Variants in SUGCT observed in about 807,000 individuals in gnomAD.
The protein encoded by SUGCT is succinyl-CoA:glutarate-CoA transferase, also known as succinyl-CoA:glutarate CoA-transferase.
A neutral mutation model predicts 55.0 loss-of-function variants in SUGCT; 41 were observed. The ratio of observed to expected loss-of-function variants is 0.74; its 90% CI spans 0.58 to 0.97. The LOEUF (loss-of-function observed/expected upper bound fraction) is 0.97, where lower values mean the gene tolerates loss of function less well. Ranked by LOEUF, SUGCT falls within the 50% of genes least tolerant of loss-of-function variation. SUGCT has a pLI of 0.00. For missense variants in SUGCT, 568 were observed against 547.8 expected, an observed-to-expected ratio of 1.04 and a Z score of -0.37; for synonymous variants, 187 against 200.4, an observed-to-expected ratio of 0.93 and a Z score of 0.56.
intron 12 of SUGCT, among the ~76,000 whole-genome samples, chr7:40,680,730 A>G (rs932531635): frequency 2.0e-5 from 3 of 152,168 alleles, no homozygotes; most frequent in Non-Finnish European, 2.9e-5. Flanking sequence ...TGCATTTTCT[A>G]TGCTCCCTTT....
chr7:40,877,438 G>T, the SUGCT span, among the ~76,000 whole-genome samples: 2 of 152,120 alleles, frequency 1.3e-5, no homozygotes, highest in Non-Finnish European at 2.9e-5. Flanking sequence ...TTAGTTTTTT[G>T]ATAATGTACT....
At chr7:40,459,485 G>A (rs949157390) in intron 11 of SUGCT, among the ~76,000 whole-genome samples, 14 of 152,082 alleles carry the variant, frequency 9.2e-5, no homozygotes, top group Admixed American at 5.9e-4. Flanking sequence ...TCCTGTACCT[G>A]TTTGGGTTTA....
At chr7:40,942,715 A>G in the SUGCT span, among the ~76,000 whole-genome samples, 54 of 151,814 alleles carry the variant, frequency 3.6e-4, no homozygotes, top group South Asian at 2.1e-3. Flanking sequence ...GGTTTGGATA[A>G]TTTACATAAT....
the SUGCT span, among the ~76,000 whole-genome samples, chr7:40,908,464 C>T: frequency 2.0e-5 from 3 of 150,066 alleles, no homozygotes; most frequent in African/African-American, 7.3e-5. Context: ...TAATAATATA[C>T]CACTTTATTC....
In SUGCT at chr7:40,542,839, C is replaced by T. The variant is rs112474690; in HGVS notation, c.1089+46453C>T. Reference sequence around the variant, plus strand: ...ACACTGATTCGATATAGTTAAACTCCGAGCTTCTATGTAGTTAAACATGGG... The same window carrying T: ...ACACTGATTCGATATAGTTAAACTCTGAGCTTCTATGTAGTTAAACATGGG... On this transcript the variant is annotated intron_variant, in intron 12 of 13. Transcript: ENST00000335693. Among the ~76,000 whole-genome samples, 805 of 152,206 alleles carry T rather than the reference C, an allele frequency of 5.3e-3. 11 individuals carry two copies. The highest frequency in any genetic ancestry group is 0.018 in the African/African-American group (748 of 41,518).
At chr7:40,339,341 G>T (rs748354158) in intron 9 of SUGCT, among the ~76,000 whole-genome samples, 24 of 152,202 alleles carry the variant, frequency 1.6e-4, no homozygotes, top group Non-Finnish European at 3.4e-4. Context: ...CCTGCCCCCA[G>T]AGGTGGAGTC....
intron 11 of SUGCT, among the ~76,000 whole-genome samples, chr7:40,482,147 T>G (rs1791087960): frequency 6.6e-6 from 1 of 152,190 alleles, no homozygotes; most frequent in Admixed American, 6.5e-5. Flanking sequence ...TGCAATGATG[T>G]TTATTGAAGA....
chr7:40,834,139 A>T (rs774312889), intron 13 of SUGCT, among the ~76,000 whole-genome samples: 1 of 152,070 alleles, frequency 6.6e-6, no homozygotes, highest in Non-Finnish European at 1.5e-5. Context: ...AGGAGATTCA[A>T]TAAAAGCTGG....
At chr7:40,198,521 G>A (rs886983019) in intron 6 of SUGCT, among the ~76,000 whole-genome samples, 1 of 152,204 alleles carries the variant, frequency 6.6e-6, no homozygotes, top group Admixed American at 6.5e-5. Context: ...TTCATGAGTT[G>A]TGAGTTTGTG....
the SUGCT span, among the ~76,000 whole-genome samples, chr7:41,030,180 T>C: frequency 6.6e-5 from 10 of 152,242 alleles, no homozygotes; most frequent in African/African-American, 2.4e-4. Context: ...GCTACCACTT[T>C]TTGTCAGTTA....
chr7:40,684,762 A>G (rs1218882427), intron 12 of SUGCT, among the ~76,000 whole-genome samples: 2 of 152,330 alleles, frequency 1.3e-5, no homozygotes, highest in East Asian at 3.9e-4. Context: ...ATAAGTAGCT[A>G]ATATTTACAT....
At chr7:40,829,130 C>T (rs1217250149) in intron 13 of SUGCT, among the ~76,000 whole-genome samples, 1 of 152,194 alleles carries the variant, frequency 6.6e-6, no homozygotes, top group African/African-American at 2.4e-5. Flanking sequence ...GCCATGGCAA[C>T]AACCCAGAAG....
chr7:40,497,089 A>G (rs538153199), intron 12 of SUGCT, among the ~76,000 whole-genome samples: 1 of 152,306 alleles, frequency 6.6e-6, no homozygotes, highest in Admixed American at 6.5e-5. Context: ...CAAGCAATTT[A>G]CCATTTCTCA....
At chr7:40,717,785 T>C (rs2128680224) in intron 12 of SUGCT, among the ~76,000 whole-genome samples, 1 of 152,276 alleles carries the variant, frequency 6.6e-6, no homozygotes, top group East Asian at 1.9e-4. Flanking sequence ...CATCGTTTGG[T>C]TCCAGGATTT....
chr7:40,194,399 C>T (rs893341810), intron 5 of SUGCT, among the ~76,000 whole-genome samples: 3 of 151,836 alleles, frequency 2.0e-5, no homozygotes, highest in African/African-American at 7.3e-5. Flanking sequence ...CAGCTGGGAC[C>T]ATAGGTATGC....
intron 8 of SUGCT, among the ~76,000 whole-genome samples, chr7:40,302,838 C>A (rs1215659460): frequency 1.3e-5 from 2 of 152,116 alleles, no homozygotes; most frequent in African/African-American, 4.8e-5. Flanking sequence ...CTGCCTACCC[C>A]AAGCCTCAGT....
intron 13 of SUGCT, among the ~76,000 whole-genome samples, chr7:40,762,543 T>C (rs1788583400): frequency 6.6e-6 from 1 of 152,134 alleles, no homozygotes; most frequent in Non-Finnish European, 1.5e-5. Flanking sequence ...GTAGGGGTGA[T>C]TTGGCTGCCA....
intron 11 of SUGCT, among the ~76,000 whole-genome samples, chr7:40,477,728 A>G (rs975068222): frequency 3.3e-5 from 5 of 152,190 alleles, no homozygotes; most frequent in Admixed American, 2.6e-4. Context: ...AGTTTAAATT[A>G]AATTCAGTGG....
chr7:40,448,555 A>G (rs1266174390), intron 9 of SUGCT, among the ~76,000 whole-genome samples: 1 of 152,044 alleles, frequency 6.6e-6, no homozygotes, highest in East Asian at 1.9e-4. Context: ...ATCCAAATAT[A>G]AAAGAAAAAG....
Sources: gnomAD v4.1 joint callset for allele counts (sites outside exome capture counted in the v4.1 genomes callset) on GRCh38, gnomAD v4.1.1 for gene constraint, MANE v1.5 for transcripts, NCBI Gene and HGNC (gene_info 2026-07-23, HGNC 2026-07-21) for gene names.